Variants in CFAP221 observed in about 807,000 individuals in gnomAD.
The protein encoded by CFAP221 is cilia and flagella associated protein 221.
A neutral mutation model predicts 113.1 loss-of-function variants in CFAP221; 97 were observed. The observed-to-expected ratio is 0.86, with a 90% CI of 0.73 to 1.02. The LOEUF (loss-of-function observed/expected upper bound fraction) is 1.02. Among genes scored for constraint, CFAP221 ranks in the 50% least tolerant of loss-of-function variants. The probability of loss-of-function intolerance (pLI) is 0.00; values close to 1 mark genes in which losing one functional copy is unlikely to be tolerated. For synonymous variants in CFAP221, 331 were observed against 354.4 expected (o/e 0.93, Z 0.74); for missense variants, 1,025 against 1,013.4 (o/e 1.01, Z -0.16).
At chr2:119,574,994 G>A (rs993519624) in intron 6 of CFAP221, among the ~76,000 whole-genome samples, 3 of 152,050 alleles carry the variant, frequency 2.0e-5, no homozygotes, top group Non-Finnish European at 2.9e-5. Flanking sequence ...ATTGCTGGTG[G>A]GTAAGGTATT....
intron 2 of CFAP221, 108 bp downstream of exon 2, chr2:119,546,378 A>C: frequency 8.0e-7 from 1 of 1,245,364 alleles, no homozygotes; most frequent in Non-Finnish European, 1.1e-6. Flanking sequence ...ATATCATTTT[A>C]TAGGCTTATA....
chr2:119,567,100 T>G (rs1175281457), intron 6 of CFAP221, among the ~76,000 whole-genome samples: 2 of 152,180 alleles, frequency 1.3e-5, no homozygotes, highest in African/African-American at 4.8e-5. Flanking sequence ...GTGCCGTATT[T>G]GTTACAATCA....
At chr2:119,624,355 A>G (rs532061037) in intron 14 of CFAP221, among the ~76,000 whole-genome samples, 1 of 152,236 alleles carries the variant, frequency 6.6e-6, no homozygotes, top group Non-Finnish European at 1.5e-5. Context: ...GCAATCATTA[A>G]AAAGTCGGGA....
intron 6 of CFAP221, among the ~76,000 whole-genome samples, chr2:119,575,630 C>G (rs1361511375): frequency 1.3e-5 from 2 of 152,032 alleles, no homozygotes; most frequent in South Asian, 4.2e-4. Flanking sequence ...TATAGCATTT[C>G]AGTTTTGCAA....
At chr2:119,619,176 A>T (rs1685721726) in intron 14 of CFAP221, among the ~76,000 whole-genome samples, 1 of 152,186 alleles carries the variant, frequency 6.6e-6, no homozygotes, top group Non-Finnish European at 1.5e-5. Context: ...AGACTTAAAC[A>T]TTCCTGCCTG....
In CFAP221 at chr2:119,546,037, G is replaced by T. The variant is rs549097139; in HGVS notation, c.-47-48G>T. On this transcript the variant is annotated intron_variant, in intron 1 of 23. Transcript: ENST00000413369. ...CATTTATCAAAGAAAGAGAAAAAAT[G>T]TGCGTGGTTTCTCATGGATGATTAT... is the stretch of plus-strand genomic sequence containing the variant. The T allele has an allele frequency of 4.6e-6, 6 of 1,305,396 alleles. No individual in the cohort carries two copies. The South Asian group carries it at 9.5e-5, about 21-fold the overall frequency. The allele number at this position is 1,305,396 out of a possible 1,614,324, so 80.9% of individuals were successfully genotyped here. A position where few individuals can be genotyped will look rare whatever the true frequency, so the allele number is the denominator to read the frequency against.
In CFAP221 at chr2:119,626,071, G is replaced by A. The variant is rs147275254; in HGVS notation, c.1516+383G>A. Reference sequence around the variant, plus strand: ...CAGGGGTTTCAGGGGAGCCCAAGTCGTTGCCTTTTCCAGCTCCTGGAGTCC... The same window carrying A: ...CAGGGGTTTCAGGGGAGCCCAAGTCATTGCCTTTTCCAGCTCCTGGAGTCC... On this transcript the variant is annotated intron_variant, in intron 15 of 23. Transcript: ENST00000413369. 4.9e-3 allele frequency among the ~76,000 whole-genome samples: 748 copies of A among 152,280 alleles called. 23 individuals are homozygous for A. Among genetic ancestry groups the A allele is most frequent in the Admixed American group, 0.041 (634 of 15,300 alleles).
chr2:119,573,394 T>G (rs756437290), intron 6 of CFAP221: 5 of 152,186 alleles, frequency 3.3e-5, no homozygotes, highest in Non-Finnish European at 7.3e-5. Flanking sequence ...TTGAAGTTGA[T>G]GGAAAGGAGC....
intron 15 of CFAP221, among the ~76,000 whole-genome samples, chr2:119,626,068 G>A (rs896961534): frequency 6.6e-6 from 1 of 152,200 alleles, no homozygotes; most frequent in East Asian, 1.9e-4. Flanking sequence ...GGGAGCCCAA[G>A]TCGTTGCCTT....
intron 12 of CFAP221, among the ~76,000 whole-genome samples, chr2:119,610,844 T>C (rs1257174561): frequency 6.6e-6 from 1 of 152,176 alleles, no homozygotes; most frequent in Admixed American, 6.5e-5. Context: ...AACACACAGA[T>C]AGGCAAAAAC....
chr2:119,644,061 G>T (rs766660408), intron 21 of CFAP221, among the ~76,000 whole-genome samples: 1 of 152,000 alleles, frequency 6.6e-6, no homozygotes, highest in Non-Finnish European at 1.5e-5. Flanking sequence ...GCTGAAGCAG[G>T]AGAATCGCTT....
chr2:119,602,873 G>A, intron 8 of CFAP221: 1 of 704,542 alleles, frequency 1.4e-6, no homozygotes, highest in Non-Finnish European at 1.7e-6. Flanking sequence ...CCATGGCTGT[G>A]CTTTTACATG....
intron 3 of CFAP221, among the ~76,000 whole-genome samples, chr2:119,552,158 C>CTT (rs772767971): frequency 7.8e-4 from 75 of 96,548 alleles, no homozygotes; most frequent in Non-Finnish European, 9.5e-4. Context: ...TAAAACTGGC[C>CTT]TTTTTTTTTT....
At chr2:119,566,781 C>T (rs992249449) in intron 6 of CFAP221, among the ~76,000 whole-genome samples, 39 of 152,266 alleles carry the variant, frequency 2.6e-4, no homozygotes, top group Non-Finnish European at 3.5e-4. Context: ...TTGGCTTAAC[C>T]GTCTACTTGT....
At chr2:119,656,088 C>G (rs1688417431) in intron 23 of CFAP221, 4 of 420,688 alleles carry the variant, frequency 9.5e-6, no homozygotes, top group Non-Finnish European at 1.8e-5. Flanking sequence ...ATGGGAATTA[C>G]ACCATTCGCA....
At chr2:119,631,946 TA>T (rs532517500) in intron 19 of CFAP221, among the ~76,000 whole-genome samples, 126 of 152,342 alleles carry the variant, frequency 8.3e-4, no homozygotes, top group Non-Finnish European at 1.1e-3. Flanking sequence ...GCACAAACTG[TA>T]AAATCTTATT....
chr2:119,558,748 G>C (rs1681006566), intron 3 of CFAP221, among the ~76,000 whole-genome samples: 1 of 152,126 alleles, frequency 6.6e-6, no homozygotes, highest in Non-Finnish European at 1.5e-5. Context: ...CTTGAACGCA[G>C]GAGTTCGAGG....
At chr2:119,592,063 G>A (rs189391582) in intron 7 of CFAP221, among the ~76,000 whole-genome samples, 213 of 152,042 alleles carry the variant, frequency 1.4e-3, no homozygotes, top group Admixed American at 3.7e-3. Flanking sequence ...AAACATTACC[G>A]AGAATCTCAT....
intron 6 of CFAP221, among the ~76,000 whole-genome samples, chr2:119,574,171 A>G (rs1477284370): frequency 6.6e-6 from 1 of 152,194 alleles, no homozygotes; most frequent in African/African-American, 2.4e-5. Flanking sequence ...AAATGGGTCA[A>G]TTGGTTTGCA....
Sources: allele counts gnomAD v4.1 joint callset (sites outside exome capture counted in the v4.1 genomes callset), GRCh38; gene constraint gnomAD v4.1.1; transcripts MANE v1.5; gene names NCBI Gene and HGNC (gene_info 2026-07-23, HGNC 2026-07-21).